The following PLA2G4A variants were observed in gnomAD, a reference collection of about 807,000 sequenced individuals.
PLA2G4A encodes phospholipase A2 group IVA.
In PLA2G4A, 40 loss-of-function variants were observed where a neutral mutation model predicts 81.9. The observed-to-expected ratio is 0.49, with a 90% CI of 0.38 to 0.64. PLA2G4A has a LOEUF of 0.64. Among genes scored for constraint, PLA2G4A ranks in the 30% least tolerant of loss-of-function variants. The pLI, the probability that PLA2G4A is intolerant of heterozygous loss-of-function variation, is 0.00. For missense variants in PLA2G4A, 715 were observed against 905.1 expected (o/e 0.79, Z 2.69); for synonymous variants, 302 against 296.9 (o/e 1.02, Z -0.18).
intron 6 of PLA2G4A, among the ~76,000 whole-genome samples, chr1:186,910,595 G>A (rs937616349): frequency 6.6e-6 from 1 of 152,024 alleles, no homozygotes; most frequent in Non-Finnish European, 1.5e-5. Context: ...TGATTCATAC[G>A]TAATACCTAA....
chr1:186,901,506 G>A (rs371530764), intron 5 of PLA2G4A, among the ~76,000 whole-genome samples: 7 of 152,118 alleles, frequency 4.6e-5, no homozygotes, highest in Admixed American at 3.3e-4. Context: ...TGCACTTACA[G>A]GAGGTGCTAT....
intron 10 of PLA2G4A, among the ~76,000 whole-genome samples, chr1:186,942,307 C>T (rs1054409476): frequency 3.9e-5 from 6 of 152,138 alleles, no homozygotes; most frequent in African/African-American, 1.2e-4. Flanking sequence ...ATCTATAACA[C>T]TTGCATGCTA....
rs183068838 is a variant in PLA2G4A at position 186,865,230 on chromosome 1, G to A, written c.34-5205G>A. ...TTTTCTTTTAGTGATGTCTTCTAGA[G>A]CTAACAAATTATGTTCCAAATTAGG... On this transcript the variant is annotated intron_variant, in intron 2 of 17. Transcript: ENST00000367466. 1.4e-3 allele frequency among the ~76,000 whole-genome samples: 217 copies of A among 151,804 alleles called. 5 individuals are homozygous for A. The highest frequency in any genetic ancestry group is 1.2e-3 in the South Asian group (6 of 4,820).
intron 2 of PLA2G4A, among the ~76,000 whole-genome samples, chr1:186,859,529 A>AG (rs1057020461): frequency 6.6e-6 from 1 of 152,132 alleles, no homozygotes; most frequent in Non-Finnish European, 1.5e-5. Flanking sequence ...TTAACAATGG[A>AG]GGGGCACTGC....
chr1:186,973,783 G>C (rs2102289854), intron 15 of PLA2G4A, among the ~76,000 whole-genome samples: 1 of 152,270 alleles, frequency 6.6e-6, no homozygotes, highest in Middle Eastern at 3.4e-3. Flanking sequence ...TTAAAAGTAA[G>C]AGAGACTATA....
intron 5 of PLA2G4A, among the ~76,000 whole-genome samples, chr1:186,904,742 G>A (rs1450596007): frequency 1.3e-5 from 2 of 152,134 alleles, no homozygotes; most frequent in African/African-American, 4.8e-5. Flanking sequence ...AAGAAATGTT[G>A]GTAGATACAT....
intron 15 of PLA2G4A, among the ~76,000 whole-genome samples, chr1:186,974,939 C>A (rs1400477363): frequency 6.6e-6 from 1 of 152,270 alleles, no homozygotes; most frequent in South Asian, 2.1e-4. Context: ...CTGATTCTAG[C>A]GTGAAGTGAA....
intron 3 of PLA2G4A, among the ~76,000 whole-genome samples, chr1:186,886,058 A>G (rs558526156): frequency 6.6e-6 from 1 of 152,266 alleles, no homozygotes; most frequent in East Asian, 1.9e-4. Context: ...AACAGAGAGG[A>G]ACCATAAGAT....
intron 14 of PLA2G4A, among the ~76,000 whole-genome samples, chr1:186,961,896 A>G (rs1375184968): frequency 6.6e-6 from 1 of 152,194 alleles, no homozygotes; most frequent in South Asian, 2.1e-4. Flanking sequence ...ACCTGCTGTC[A>G]ACCACAGTTT....
intron 17 of PLA2G4A, 99 bp downstream of exon 17, chr1:186,979,571 A>G (rs1478772904): frequency 3.6e-6 from 3 of 841,000 alleles, no homozygotes; most frequent in Non-Finnish European, 6.0e-6. Flanking sequence ...AATAAGTGTT[A>G]TGAATGACAC....
In PLA2G4A at chr1:186,988,621, G is replaced by A. The variant is rs1257233493; in HGVS notation, c.*113G>A. Reference sequence around the variant, plus strand: ...TCGTACTGATCATGAGAGACTGGCTGATACTCAAAGTTGCAGTTACTTAGC... The same window carrying A: ...TCGTACTGATCATGAGAGACTGGCTAATACTCAAAGTTGCAGTTACTTAGC... On this transcript the variant is annotated 3_prime_UTR_variant, in exon 18 of 18. Transcript: ENST00000367466. 2.2e-6 allele frequency: 2 copies of A among 929,858 alleles called. No individual in the cohort carries two copies. Among genetic ancestry groups the A allele is most frequent in the Non-Finnish European group, 3.5e-6 (2 of 573,278 alleles). 57.6% of individuals were successfully genotyped at this position (929,858 alleles called of 1,614,324 possible).
chr1:186,932,995 A>C, intron 8 of PLA2G4A, 96 bp downstream of exon 8: 1 of 915,448 alleles, frequency 1.1e-6, no homozygotes. Flanking sequence ...TAGAAAATTG[A>C]TCATTAATTT....
At chr1:186,864,658 A>G (rs189148608) in intron 2 of PLA2G4A, among the ~76,000 whole-genome samples, 3 of 150,416 alleles carry the variant, frequency 2.0e-5, no homozygotes, top group African/African-American at 7.3e-5. Flanking sequence ...TATTATTATT[A>G]TTATTATTAT....
chr1:186,855,666 ATGT>A (rs893575238), intron 2 of PLA2G4A, among the ~76,000 whole-genome samples: 19 of 151,920 alleles, frequency 1.3e-4, no homozygotes, highest in African/African-American at 4.6e-4. Context: ...AGATTCATTC[ATGT>A]TGTTGTGAGT....
At chr1:186,928,831 G>A (rs1323484341) in intron 7 of PLA2G4A, among the ~76,000 whole-genome samples, 1 of 152,166 alleles carries the variant, frequency 6.6e-6, no homozygotes. Flanking sequence ...CTCATTTCCT[G>A]TAATCATATG....
chr1:186,889,199 C>A (rs1253688254), intron 3 of PLA2G4A, among the ~76,000 whole-genome samples: 1 of 152,124 alleles, frequency 6.6e-6, no homozygotes, highest in African/African-American at 2.4e-5. Context: ...ATTCCATGGT[C>A]CTGTTGAGAG....
At chr1:186,844,141 G>A (rs1399550439) in intron 1 of PLA2G4A, among the ~76,000 whole-genome samples, 1 of 152,164 alleles carries the variant, frequency 6.6e-6, no homozygotes, top group Non-Finnish European at 1.5e-5. Context: ...CTTTGTGTCT[G>A]GAGGCATGCT....
At chr1:186,846,924 A>G (rs1205677820) in intron 1 of PLA2G4A, among the ~76,000 whole-genome samples, 1 of 152,008 alleles carries the variant, frequency 6.6e-6, no homozygotes, top group Non-Finnish European at 1.5e-5. Context: ...TACTGTCTTA[A>G]TTCCAGTAAA....
intron 3 of PLA2G4A, among the ~76,000 whole-genome samples, chr1:186,889,483 A>T (rs1173716571): frequency 6.6e-6 from 1 of 152,202 alleles, no homozygotes; most frequent in Non-Finnish European, 1.5e-5. Context: ...TCCAAGCCGG[A>T]AAATTAAAGG....
Sources: allele counts gnomAD v4.1 joint callset (sites outside exome capture counted in the v4.1 genomes callset), GRCh38; gene constraint gnomAD v4.1.1; transcripts MANE v1.5; gene names NCBI Gene and HGNC (gene_info 2026-07-23, HGNC 2026-07-21).